TM7SF3: variants seen among roughly 807,000 people sequenced by gnomAD.
The protein encoded by TM7SF3 is seven span transmembrane protein.
TM7SF3 carries 60 observed loss-of-function variants against 65.5 expected under a neutral mutation model. The observed-to-expected ratio is 0.92, with a 90% CI of 0.74 to 1.14. TM7SF3 has a LOEUF of 1.14. TM7SF3 is among the 50% of genes most tolerant of loss of function. TM7SF3 has a pLI of 0.00. For missense variants in TM7SF3, 623 were observed against 684.8 expected (o/e 0.91, Z 1.01); for synonymous variants, 264 against 259.6 (o/e 1.02, Z -0.16).
intron 6 of TM7SF3, among the ~76,000 whole-genome samples, chr12:26,983,834 C>G (rs576332299): frequency 6.6e-6 from 1 of 152,130 alleles, no homozygotes; most frequent in Non-Finnish European, 1.5e-5. Flanking sequence ...AATGATGAAG[C>G]ACGGTATCAT....
chr12:26,979,698 G>C lies in TM7SF3; in HGVS notation c.1189+86C>G, dbSNP rs983280493. Reference sequence around the variant, plus strand: ...AACTCCACAGGAGAAGCACTGACATGCAACACCACTCCAGGATGCAAATCC... The same window carrying C: ...AACTCCACAGGAGAAGCACTGACATCCAACACCACTCCAGGATGCAAATCC... On this transcript the variant is annotated intron_variant, in intron 9 of 11. Coordinates refer to ENST00000343028, the MANE Select transcript of TM7SF3 (RefSeq NM_016551.3). The C allele has an allele frequency of 2.7e-6, 4 of 1,458,526 alleles. No individual in the cohort carries two copies. The African/African-American group carries it at 4.2e-5, about 15-fold the overall frequency. 90.3% of individuals were successfully genotyped at this position (1,458,526 alleles called of 1,614,324 possible).
intron 1 of TM7SF3, among the ~76,000 whole-genome samples, chr12:27,011,226 G>T (rs965070205): frequency 1.1e-4 from 16 of 152,198 alleles, no homozygotes; most frequent in Non-Finnish European, 1.5e-4. Context: ...ACCATGAACA[G>T]CCTGCTACCT....
intron 2 of TM7SF3, 69 bp from the exon 3 acceptor site, chr12:26,999,745 G>C: frequency 1.2e-5 from 18 of 1,533,510 alleles, no homozygotes; most frequent in Non-Finnish European, 1.5e-5. Context: ...AGCTGATCCA[G>C]TGTGCATGTC....
intron 10 of TM7SF3, 130 bp downstream of exon 10, chr12:26,976,130 G>C: frequency 1.4e-6 from 1 of 694,656 alleles, no homozygotes; most frequent in Non-Finnish European, 2.5e-6. Flanking sequence ...AGGCTATTTA[G>C]AATCAGTCAT....
intron 4 of TM7SF3, 44 bp downstream of exon 4, chr12:26,996,698 T>C (rs1164493937): frequency 1.9e-6 from 3 of 1,582,228 alleles, no homozygotes; most frequent in African/African-American, 1.4e-5. Flanking sequence ...ACTGTCGTCA[T>C]GTATATTCTA....
At position 26,999,590 on chromosome 12, in the gene TM7SF3, G is replaced by T; in HGVS notation, c.333C>A (p.Tyr111Ter). 1.2e-6 allele frequency: 2 copies of T among 1,614,158 alleles called. No homozygotes were observed. Among genetic ancestry groups the T allele is most frequent in the Non-Finnish European group, 8.5e-7 (1 of 1,179,998 alleles). The change falls in exon 3 of 12, where the codon TAC (tyrosine) becomes TAA (stop). Residue 111 changes from tyrosine to a stop codon, truncating the protein, a stop_gained. Coordinates refer to ENST00000343028, the MANE Select transcript of TM7SF3 (RefSeq NM_016551.3). LOFTEE classifies it high-confidence loss of function. ...LRPEQSTCTW[Y>*]LGTSGIQPVQ... ...CAGGCTGTATGCCTGAAGTCCCCAA[G>T]TACCAAGTGCATGTACTCTGCTCTG...
At position 26,979,768 on chromosome 12, in the gene TM7SF3, G is replaced by A. The variant is rs763122998; in HGVS notation, c.1189+16C>T. The A allele has an allele frequency of 3.7e-6, 6 of 1,613,278 alleles. No individual in the cohort carries two copies. The South Asian group carries it at 5.5e-5, about 15-fold the overall frequency. ...AGTCACTCGAACACACAAAACATCT[G>A]TTACATATCGCCTACCCAGTGGAGT... On this transcript the variant is annotated intron_variant, in intron 9 of 11. Coordinates refer to ENST00000343028, the MANE Select transcript of TM7SF3 (RefSeq NM_016551.3).
In TM7SF3 at chr12:26,973,800, C is replaced by G. The variant is rs1939452951; in HGVS notation, c.*165G>C. 1.3e-5 allele frequency: 11 copies of G among 851,224 alleles called. No individual in the cohort carries two copies. The highest frequency in any genetic ancestry group is 1.9e-5 in the Non-Finnish European group (11 of 583,192). 52.7% of individuals were successfully genotyped at this position (851,224 alleles called of 1,614,324 possible). On this transcript the variant is annotated 3_prime_UTR_variant, in exon 12 of 12. Transcript: ENST00000343028. ...TCTTTCTCATTCTCTTACAATCATCCTAATCCCCTAGTACACCCTTACCAT... is the reference window on the plus strand; with the variant it reads ...TCTTTCTCATTCTCTTACAATCATCGTAATCCCCTAGTACACCCTTACCAT...
At chr12:26,984,451 A>AAAC (rs201298799) in intron 6 of TM7SF3, among the ~76,000 whole-genome samples, 65 of 138,640 alleles carry the variant, frequency 4.7e-4, no homozygotes, top group Non-Finnish European at 9.2e-4. Context: ...ACGAAAAACA[A>AAAC]AAAAAAAAAA....
intron 2 of TM7SF3, 39 bp from the exon 3 acceptor site, chr12:26,999,715 G>A (rs778789763): frequency 1.7e-5 from 28 of 1,608,440 alleles, no homozygotes; most frequent in African/African-American, 2.7e-5. Flanking sequence ...ATAGGAAGTC[G>A]ACCAAAACAT....
chr12:27,009,287 A>C (rs75796710), intron 1 of TM7SF3, among the ~76,000 whole-genome samples: 6,077 of 152,252 alleles, frequency 0.04, 171 homozygotes, highest in Middle Eastern at 0.082. Context: ...CACACACACA[A>C]AAAAACCTGC....
chr12:26,978,152 C>A, intron 9 of TM7SF3: 1 of 399,016 alleles, frequency 2.5e-6, no homozygotes, highest in Non-Finnish European at 4.9e-6. Flanking sequence ...ATCACTCTAA[C>A]GGTCCTTGAG....
chr12:27,014,117 C>T lies in TM7SF3; in HGVS notation c.52G>A (p.Val18Met), dbSNP rs779209850. 3.2e-5 allele frequency: 50 copies of T among 1,572,830 alleles called. 2 individuals carry two copies. The highest frequency in any genetic ancestry group is 2.8e-4 in the Admixed American group (15 of 53,518). Residue 18 changes from valine to methionine, a missense_variant, in exon 1 of 12, where the codon GTG becomes ATG. By Grantham distance (21) the Val-to-Met change is conservative. Coordinates refer to ENST00000343028, the MANE Select transcript of TM7SF3 (RefSeq NM_016551.3). ...CCGAAGACCTCGGCTGCACCAGCCA[C>T]CCGGTGTTCGGATGCCAGCACCGCT... is the stretch of plus-strand genomic sequence containing the variant. The part of the protein sequence containing the change: ...VVAVLASEHR[V>M]AGAAEVFGNS...
At chr12:26,990,699 C>T (rs35719635) in intron 5 of TM7SF3, 72 bp from the exon 6 acceptor site, 230,423 of 1,119,792 alleles carry the variant, frequency 0.21, 25,224 homozygotes, top group East Asian at 0.37. Context: ...ATCCCACCTA[C>T]GTGTAATATT....
chr12:26,997,853 TCTTGCTCTATCACCCAAG>T lies in TM7SF3; in HGVS notation c.398-1009_398-992del, dbSNP rs963416558. 3.1e-5 allele frequency among the ~76,000 whole-genome samples: 4 copies of T among 127,194 alleles called. 1 individual carries two copies. Among genetic ancestry groups the T allele is most frequent in the African/African-American group, 1.2e-4 (4 of 32,300 alleles). The allele number at this position is 127,194 out of a possible 152,430, so 83.4% of individuals were successfully genotyped here. The stretch of plus-strand genomic sequence containing the variant: ...TTTTTTTTTTTTTTTTGAGACGGAG[TCTTGCTCTATCACCCAAG>T]CTGGAGTGAAGTGGCGCAATCTCAG... On this transcript the variant is annotated intron_variant, in intron 3 of 11. Coordinates refer to ENST00000343028, the MANE Select transcript of TM7SF3 (RefSeq NM_016551.3).
intron 4 of TM7SF3, 78 bp from the exon 5 acceptor site, chr12:26,995,486 A>G: frequency 7.0e-7 from 1 of 1,422,960 alleles, no homozygotes; most frequent in Non-Finnish European, 9.7e-7. Context: ...AAGAGCCCTA[A>G]TTTCAAACAC....
In TM7SF3 at chr12:26,995,272, C is replaced by T. The variant is rs754639068; in HGVS notation, c.655G>A (p.Val219Ile). Residue 219 changes from valine (V) to isoleucine (I), a missense_variant, in exon 5 of 12, where the codon GTC becomes ATC. By Grantham distance (29) the Val-to-Ile change is conservative. Coordinates refer to ENST00000343028, the MANE Select transcript of TM7SF3 (RefSeq NM_016551.3). ...CTGGCCTTCACCTGGGGCACACTGA[C>T]CATCCTCTGCAGATGCTTCAGCAAC... ...EMLLKHLQRM[V>I]SVPQVKASAL... 1 of 1,614,192 alleles carries T rather than the reference C, an allele frequency of 6.2e-7. No homozygotes were observed. The highest frequency in any genetic ancestry group is 8.5e-7 in the Non-Finnish European group (1 of 1,180,038).
chr12:26,982,101 TTGGCTCACTGCAACCTC>T (rs1365865933), intron 7 of TM7SF3, among the ~76,000 whole-genome samples: 1 of 152,102 alleles, frequency 6.6e-6, no homozygotes, highest in Non-Finnish European at 1.5e-5. Context: ...TGGCACAATC[TTGGCTCACTGCAACCTC>T]TGCCTCCCGG....
intron 9 of TM7SF3, among the ~76,000 whole-genome samples, chr12:26,976,984 G>C (rs1322785993): frequency 6.6e-6 from 1 of 152,148 alleles, no homozygotes; most frequent in African/African-American, 2.4e-5. Context: ...AACTTAGGCC[G>C]ACCCAGAACA....
Sources: gnomAD v4.1 joint callset for allele counts (sites outside exome capture counted in the v4.1 genomes callset) on GRCh38, gnomAD v4.1.1 for gene constraint, MANE v1.5 for transcripts, NCBI Gene and HGNC (gene_info 2026-07-23, HGNC 2026-07-21) for gene names.